Variants in AHCY observed in about 807,000 individuals in gnomAD.
AHCY encodes adenosylhomocysteinase.
AHCY carries 24 observed loss-of-function variants against 45.4 expected under a neutral mutation model. That is an observed-to-expected ratio of 0.53 (90% CI 0.38 to 0.74). AHCY has a LOEUF of 0.74. Ranked by LOEUF, AHCY falls within the 30% of genes least tolerant of loss-of-function variation. AHCY has a pLI of 0.00. For missense variants in AHCY, 449 were observed against 594.1 expected (o/e 0.76, Z 2.54); for synonymous variants, 245 against 235.1 (o/e 1.04, Z -0.39).
chr20:34,270,497 G>C, the AHCY span, among the ~76,000 whole-genome samples: 1 of 152,188 alleles, frequency 6.6e-6, no homozygotes, highest in Admixed American at 6.5e-5. Context: ...CACTCCTCGT[G>C]TTTTCCAGAC....
upstream of AHCY, chr20:34,303,375 G>T (rs898404200): frequency 1.1e-5 from 17 of 1,484,180 alleles, no homozygotes; most frequent in East Asian, 2.5e-5. Context: ...TGGCGCCGAC[G>T]CCTTTAAATA....
Position 34,300,608 on chromosome 20 carries a change from C to T in AHCY, c.28+2635G>A, listed in dbSNP as rs371335134. On this transcript the variant is annotated intron_variant, in intron 1 of 9. Coordinates refer to ENST00000217426, the MANE Select transcript of AHCY (RefSeq NM_000687.4). ...GTAGGTGCTGAAAAAAACCTGGAAACAGGAAAGAACCTAGTATATCCCTGC... is the reference window on the plus strand; with the variant it reads ...GTAGGTGCTGAAAAAAACCTGGAAATAGGAAAGAACCTAGTATATCCCTGC... 3.9e-5 allele frequency among the ~76,000 whole-genome samples: 6 copies of T among 152,180 alleles called. No individual in the cohort carries two copies. The East Asian group carries it at 7.7e-4, about 20-fold the overall frequency.
downstream of AHCY, among the ~76,000 whole-genome samples, chr20:34,277,268 G>A (rs1389982883): frequency 6.6e-6 from 1 of 152,198 alleles, no homozygotes; most frequent in Non-Finnish European, 1.5e-5. Context: ...ACCCAGACCT[G>A]CAGAGTGACC....
At chr20:34,289,720 C>A (rs555571788) in intron 8 of AHCY, among the ~76,000 whole-genome samples, 1 of 150,322 alleles carries the variant, frequency 6.7e-6, no homozygotes. Context: ...TCATGTGATC[C>A]GCCCGCCTCG....
the AHCY span, among the ~76,000 whole-genome samples, chr20:34,255,672 G>C: frequency 6.6e-6 from 1 of 152,134 alleles, no homozygotes; most frequent in Non-Finnish European, 1.5e-5. Flanking sequence ...GGAAAAACCA[G>C]GCCATACAGA....
intron 1 of AHCY, chr20:34,302,330 C>G (rs2036804899): frequency 6.5e-6 from 1 of 154,674 alleles, no homozygotes; most frequent in Non-Finnish European, 1.4e-5. Flanking sequence ...TGAAAAGCTA[C>G]CAGCCAAACT....
upstream of AHCY, among the ~76,000 whole-genome samples, chr20:34,303,932 G>A (rs2036862299): frequency 2.6e-5 from 4 of 152,156 alleles, no homozygotes; most frequent in South Asian, 8.3e-4. Context: ...CCTGGAGATC[G>A]AGGCTGCAGT....
At chr20:34,301,537 T>C (rs2036771760) in intron 1 of AHCY, among the ~76,000 whole-genome samples, 1 of 152,216 alleles carries the variant, frequency 6.6e-6, no homozygotes, top group Admixed American at 6.5e-5. Flanking sequence ...TAATCATCCC[T>C]AGCTTGCTAT....
At chr20:34,289,472 C>CTTTTT (rs762670836) in intron 8 of AHCY, among the ~76,000 whole-genome samples, 2 of 106,370 alleles carry the variant, frequency 1.9e-5, no homozygotes, top group African/African-American at 4.0e-5. Flanking sequence ...TGTACCTGGC[C>CTTTTT]TTTTTTTTTT....
At position 34,290,106 on chromosome 20, in the gene AHCY, T is replaced by C. The variant is rs1003979899; in HGVS notation, c.972+226A>G. On this transcript the variant is annotated intron_variant, in intron 8 of 9. Transcript: ENST00000217426. The surrounding 1 kb of genome is among the most constrained non-coding windows in gnomAD (Gnocchi z 4.5). Reference sequence around the variant, plus strand: ...TGCACACAGTAGCTAGAGTGATCTTTCTAAAACTACAGCCTCACCACATAC... The same window carrying C: ...TGCACACAGTAGCTAGAGTGATCTTCCTAAAACTACAGCCTCACCACATAC... Among the ~76,000 whole-genome samples the C allele has an allele frequency of 6.6e-6, 1 of 152,218 alleles. No homozygotes were observed. Among genetic ancestry groups the C allele is most frequent in the African/African-American group, 2.4e-5 (1 of 41,460 alleles).
rs532158443 is a variant in AHCY at position 34,300,143 on chromosome 20, C to T, written c.28+3100G>A. Reference sequence around the variant, plus strand: ...GAGGTGGCAGTGAGCTAAAATAGCACCACTGCACTCCAACCTGGGTGAGAG... The same window carrying T: ...GAGGTGGCAGTGAGCTAAAATAGCATCACTGCACTCCAACCTGGGTGAGAG... On this transcript the variant is annotated intron_variant, in intron 1 of 9. Transcript: ENST00000217426. Among the ~76,000 whole-genome samples the T allele has an allele frequency of 7.9e-5, 12 of 152,166 alleles. No individual in the cohort carries two copies. The South Asian group carries it at 2.5e-3, about 32-fold the overall frequency.
upstream of AHCY, among the ~76,000 whole-genome samples, chr20:34,303,858 T>G (rs1292091492): frequency 1.3e-5 from 2 of 151,786 alleles, no homozygotes; most frequent in African/African-American, 4.8e-5. Context: ...TAGCCGGGCG[T>G]GGTGGCGCGC....
chr20:34,258,674 C>CATATATATATATATATAT, the AHCY span, among the ~76,000 whole-genome samples: 514 of 12,118 alleles, frequency 0.042, 82 homozygotes, highest in South Asian at 0.11. Flanking sequence ...AGGGGGATGC[C>CATATATATATATATATAT]ATATATATAT....
chr20:34,300,502 T>C (rs1414165596), intron 1 of AHCY, among the ~76,000 whole-genome samples: 1 of 152,152 alleles, frequency 6.6e-6, no homozygotes, highest in Non-Finnish European at 1.5e-5. Flanking sequence ...GCTCCACTCA[T>C]TTCCACCTCA....
At chr20:34,298,116 G>T (rs1057135096) in intron 1 of AHCY, among the ~76,000 whole-genome samples, 2 of 152,122 alleles carry the variant, frequency 1.3e-5, no homozygotes, top group African/African-American at 2.4e-5. Context: ...TCCAGCCTGG[G>T]TGACAGAGTG....
Position 34,303,308 on chromosome 20 carries a change from T to C in AHCY, c.-38A>G, listed in dbSNP as rs776913917. The C allele has an allele frequency of 6.4e-7, 1 of 1,551,702 alleles. No individual in the cohort carries two copies. The highest frequency in any genetic ancestry group is 2.0e-5 in the Admixed American group (1 of 51,022). On this transcript the variant is annotated 5_prime_UTR_variant, in exon 1 of 10. Coordinates refer to ENST00000217426, the MANE Select transcript of AHCY (RefSeq NM_000687.4). Reference sequence around the variant, plus strand: ...CGTGATGGAAACGGGCGAAGGGGGCTGGGCCTCAGTCTGGGAACAGGAACT... The same window carrying C: ...CGTGATGGAAACGGGCGAAGGGGGCCGGGCCTCAGTCTGGGAACAGGAACT...
chr20:34,252,703 CG>C, the AHCY span, among the ~76,000 whole-genome samples: 1 of 152,084 alleles, frequency 6.6e-6, no homozygotes, highest in Admixed American at 6.6e-5. Context: ...TTATGGGTGT[CG>C]GGTTGGGGGA....
intron 3 of AHCY, among the ~76,000 whole-genome samples, chr20:34,293,128 T>G (rs955468806): frequency 6.6e-6 from 1 of 152,130 alleles, no homozygotes; most frequent in Non-Finnish European, 1.5e-5. Flanking sequence ...ATCTCATTCT[T>G]CCTCATAGAA....
At chr20:34,271,565 CTTT>C in the AHCY span, among the ~76,000 whole-genome samples, 1 of 123,402 alleles carries the variant, frequency 8.1e-6, no homozygotes, top group African/African-American at 3.0e-5. Flanking sequence ...TTGAACAAGC[CTTT>C]TTTTTTTTTT....
Sources: gnomAD v4.1 joint callset for allele counts (sites outside exome capture counted in the v4.1 genomes callset) on GRCh38, gnomAD v4.1.1 for gene constraint, Gnocchi (gnomAD v3.1) non-coding constraint, MANE v1.5 for transcripts, NCBI Gene and HGNC (gene_info 2026-07-23, HGNC 2026-07-21) for gene names.